The following DMD variants were observed in gnomAD, a reference collection of about 807,000 sequenced individuals.
DMD encodes dystrophin.
In DMD, 63 loss-of-function variants were observed where a neutral mutation model predicts 330.1. The ratio of observed to expected loss-of-function variants is 0.19; its 90% CI spans 0.16 to 0.24. The LOEUF (loss-of-function observed/expected upper bound fraction) is 0.24. Among genes scored for constraint, DMD ranks in the 10% least tolerant of loss-of-function variants. The probability of loss-of-function intolerance (pLI) is 1.00; values close to 1 mark genes in which losing one functional copy is unlikely to be tolerated. For missense variants in DMD, 3,344 were observed against 2,684.1 expected, an observed-to-expected ratio of 1.25 and a Z score of -5.43; for synonymous variants, 1,223 against 959.8, an observed-to-expected ratio of 1.27 and a Z score of -5.07.
chrX:31,724,293 C>G (rs749553405), intron 52 of DMD, among the ~76,000 whole-genome samples: 1 of 112,310 alleles, frequency 8.9e-6, no homozygotes, highest in Non-Finnish European at 1.9e-5. Flanking sequence ...ACAACAGAGC[C>G]TTTTTATTTC....
At chrX:31,159,538 T>C (rs140704419) in intron 74 of DMD, among the ~76,000 whole-genome samples, 197 of 111,842 alleles carry the variant, frequency 1.8e-3, no homozygotes, top group Middle Eastern at 4.6e-3. Context: ...CTAACTGGGC[T>C]GCTCATGCCC....
intron 62 of DMD, among the ~76,000 whole-genome samples, chrX:31,314,632 C>A (rs2055814117): frequency 9.0e-6 from 1 of 110,683 alleles, no homozygotes; most frequent in African/African-American, 3.3e-5. Context: ...AGTCAATATC[C>A]AGAGATACTG....
chrX:33,178,097 A>T (rs767323353), intron 1 of DMD, among the ~76,000 whole-genome samples: 52 of 112,495 alleles, frequency 4.6e-4, no homozygotes, highest in African/African-American at 1.7e-3. Flanking sequence ...ATTGAAACAA[A>T]GCTTTCAACT....
rs141392048 is a variant in DMD, at chrX:31,204,086, A to G, written c.9682T>C (p.Phe3228Leu). ...LFKQVASSTGFCDQRRLGLLL... is the reference protein window; with the variant it reads ...LFKQVASSTGLCDQRRLGLLL... The stretch of plus-strand genomic sequence containing the variant: ...AGGCCCAGCCTGCGCTGGTCACAAA[A>G]TCCTGTTGAACTTGCCACTTGCTTG... Residue 3228 changes from phenylalanine (F) to leucine (L), a missense_variant, in exon 67 of 79, where the codon TTT (phenylalanine) becomes CTT (leucine). Coordinates refer to ENST00000357033, the MANE Select transcript of DMD (RefSeq NM_004006.3). 374 of 1,209,954 alleles carry G rather than the reference A, an allele frequency of 3.1e-4. 1 individual carries two copies. The African/African-American group carries it at 5.4e-3, about 18-fold the overall frequency.
intron 44 of DMD, among the ~76,000 whole-genome samples, chrX:32,195,629 G>T (rs2096996275): frequency 8.9e-6 from 1 of 112,569 alleles, no homozygotes; most frequent in Non-Finnish European, 1.9e-5. Flanking sequence ...TTTGTGGGAA[G>T]AAATGTGCTT....
At chrX:31,519,022 G>A (rs1354674053) in intron 55 of DMD, among the ~76,000 whole-genome samples, 3 of 111,691 alleles carry the variant, frequency 2.7e-5, no homozygotes, top group African/African-American at 9.8e-5. Flanking sequence ...AGCACTGATA[G>A]GAATGGTCAA....
intron 60 of DMD, among the ~76,000 whole-genome samples, chrX:31,369,204 G>A (rs1056479381): frequency 8.9e-6 from 1 of 112,620 alleles, no homozygotes; most frequent in Non-Finnish European, 1.9e-5. Flanking sequence ...TCCAGAATCT[G>A]ATAACAAGAT....
At chrX:31,745,280 G>T (rs927356424) in intron 51 of DMD, among the ~76,000 whole-genome samples, 2 of 111,288 alleles carry the variant, frequency 1.8e-5, no homozygotes, top group Admixed American at 9.6e-5. Flanking sequence ...TTAGTTAGCA[G>T]AATTACGATG....
intron 62 of DMD, among the ~76,000 whole-genome samples, chrX:31,272,433 C>T (rs2051716192): frequency 8.9e-6 from 1 of 111,989 alleles, no homozygotes; most frequent in African/African-American, 3.2e-5. Flanking sequence ...TCCTGGTCTA[C>T]CTTAACAGCT....
intron 60 of DMD, among the ~76,000 whole-genome samples, chrX:31,389,183 A>T (rs754592357): frequency 4.5e-5 from 5 of 112,043 alleles, no homozygotes; most frequent in Non-Finnish European, 9.4e-5. Context: ...GGGAGTGTAG[A>T]TTATTTGTGC....
chrX:31,579,899 T>G (rs895313379), intron 55 of DMD, among the ~76,000 whole-genome samples: 3 of 112,175 alleles, frequency 2.7e-5, no homozygotes, highest in African/African-American at 9.7e-5. Flanking sequence ...GCTATACTCC[T>G]TCTGAAGAAG....
intron 2 of DMD, among the ~76,000 whole-genome samples, chrX:32,880,336 T>A (rs1444658259): frequency 9.1e-6 from 1 of 110,045 alleles, no homozygotes; most frequent in Non-Finnish European, 1.9e-5. Flanking sequence ...TAACTGATTG[T>A]CTGCCTATAA....
chrX:32,712,684 T>A (rs1295513056), intron 7 of DMD, among the ~76,000 whole-genome samples: 1 of 111,553 alleles, frequency 9.0e-6, no homozygotes, highest in Admixed American at 9.6e-5. Flanking sequence ...ATATTCATTG[T>A]AGGAGTGTTA....
chrX:31,819,147 A>C (rs1294476751), intron 50 of DMD, among the ~76,000 whole-genome samples: 1 of 112,325 alleles, frequency 8.9e-6, no homozygotes, highest in Admixed American at 9.4e-5. Context: ...AGTCAAAGCC[A>C]GCATTAACAT....
At chrX:32,287,265 A>G (rs1182139999) in intron 43 of DMD, among the ~76,000 whole-genome samples, 1 of 111,854 alleles carries the variant, frequency 8.9e-6, no homozygotes, top group Non-Finnish European at 1.9e-5. Context: ...TCAATGCCCC[A>G]ATCTGATTTA....
At chrX:32,748,266 C>T (rs2070319262) in intron 7 of DMD, among the ~76,000 whole-genome samples, 1 of 107,769 alleles carries the variant, frequency 9.3e-6, no homozygotes, top group African/African-American at 3.4e-5. Flanking sequence ...ATTGCTTGAA[C>T]CCGGGAGGCA....
intron 55 of DMD, among the ~76,000 whole-genome samples, chrX:31,622,632 A>T (rs1027400504): frequency 9.2e-6 from 1 of 109,014 alleles, no homozygotes; most frequent in Admixed American, 9.9e-5. Flanking sequence ...AACCAGGAAG[A>T]GGGGCCCTCA....
At chrX:32,474,810 T>C (rs2041058216) in intron 21 of DMD, among the ~76,000 whole-genome samples, 1 of 111,804 alleles carries the variant, frequency 8.9e-6, no homozygotes, top group Non-Finnish European at 1.9e-5. Context: ...GGGTTGCCTG[T>C]TTGCTGTGCT....
intron 7 of DMD, among the ~76,000 whole-genome samples, chrX:32,790,697 T>G (rs948570816): frequency 1.8e-5 from 2 of 111,709 alleles, no homozygotes; most frequent in Admixed American, 1.9e-4. Context: ...CTCAACTTCA[T>G]GCACACTGAA....
Sources: allele counts gnomAD v4.1 joint callset (sites outside exome capture counted in the v4.1 genomes callset), GRCh38; gene constraint gnomAD v4.1.1; transcripts MANE v1.5; gene names NCBI Gene and HGNC (gene_info 2026-07-23, HGNC 2026-07-21).